Variants in GALNTL6 observed in about 807,000 individuals in gnomAD.
GALNTL6 encodes the protein polypeptide N-acetylgalactosaminyltransferase-like 6.
In GALNTL6, 46 loss-of-function variants were observed where a neutral mutation model predicts 73.7. That is an observed-to-expected ratio of 0.62 (90% CI 0.49 to 0.80). GALNTL6 has a LOEUF of 0.80. Among genes scored for constraint, GALNTL6 ranks in the 30% least tolerant of loss-of-function variants. The pLI, the probability that GALNTL6 is intolerant of heterozygous loss-of-function variation, is 0.00. For missense variants in GALNTL6, 604 were observed against 755.0 expected, an observed-to-expected ratio of 0.80 and a Z score of 2.34; for synonymous variants, 259 against 263.7, an observed-to-expected ratio of 0.98 and a Z score of 0.17.
intron 2 of GALNTL6, among the ~76,000 whole-genome samples, chr4:171,830,305 G>T (rs1216666596): frequency 6.6e-6 from 1 of 152,182 alleles, no homozygotes; most frequent in African/African-American, 2.4e-5. Context: ...AAGCTGCCTA[G>T]TTTGTGGAGA....
At chr4:172,512,742 T>G (rs1448686651) in intron 5 of GALNTL6, among the ~76,000 whole-genome samples, 2 of 152,142 alleles carry the variant, frequency 1.3e-5, no homozygotes, top group African/African-American at 2.4e-5. Flanking sequence ...CCAACAATTG[T>G]TTTGTTTAAG....
intron 2 of GALNTL6, among the ~76,000 whole-genome samples, chr4:171,912,964 G>T (rs1737517560): frequency 6.6e-6 from 1 of 152,114 alleles, no homozygotes; most frequent in African/African-American, 2.4e-5. Context: ...TGGACGCTTA[G>T]GTTATTCACA....
At chr4:171,934,938 C>T (rs1738296785) in intron 2 of GALNTL6, among the ~76,000 whole-genome samples, 1 of 151,930 alleles carries the variant, frequency 6.6e-6, no homozygotes, top group African/African-American at 2.4e-5. Flanking sequence ...TTTTTTTCTC[C>T]CCAAGAATGT....
intron 5 of GALNTL6, among the ~76,000 whole-genome samples, chr4:172,450,695 T>C (rs1333178347): frequency 6.6e-6 from 1 of 152,236 alleles, no homozygotes; most frequent in Non-Finnish European, 1.5e-5. Context: ...GTGCCTGCCA[T>C]ACTGGCTTCC....
chr4:172,614,786 G>T (rs893180177), intron 5 of GALNTL6, among the ~76,000 whole-genome samples: 5 of 152,132 alleles, frequency 3.3e-5, no homozygotes, highest in African/African-American at 1.2e-4. Context: ...AGCCTAATAA[G>T]GTGGGTGTTG....
intron 2 of GALNTL6, among the ~76,000 whole-genome samples, chr4:172,065,044 C>T (rs1731317401): frequency 6.6e-6 from 1 of 152,022 alleles, no homozygotes; most frequent in African/African-American, 2.4e-5. Flanking sequence ...GCAGGTTTGA[C>T]CATTAAATGT....
At chr4:172,450,984 A>G (rs191325762) in intron 5 of GALNTL6, among the ~76,000 whole-genome samples, 11 of 152,320 alleles carry the variant, frequency 7.2e-5, no homozygotes, top group African/African-American at 2.2e-4. Flanking sequence ...TGCCTATGAT[A>G]ATGTGTGCTC....
intron 2 of GALNTL6, among the ~76,000 whole-genome samples, chr4:172,063,414 C>T (rs1731265571): frequency 1.3e-5 from 2 of 152,154 alleles, no homozygotes; most frequent in South Asian, 2.1e-4. Context: ...TAGAATATTA[C>T]AGATTTTTCC....
At chr4:172,580,611 G>A (rs2110971771) in intron 5 of GALNTL6, among the ~76,000 whole-genome samples, 1 of 152,216 alleles carries the variant, frequency 6.6e-6, no homozygotes, top group Admixed American at 6.5e-5. Context: ...GAATTTTCAT[G>A]GAAGAGGACA....
chr4:171,965,061 G>A (rs930087505), intron 2 of GALNTL6, among the ~76,000 whole-genome samples: 8 of 152,148 alleles, frequency 5.3e-5, no homozygotes, highest in Non-Finnish European at 1.5e-5. Context: ...CCTACTGCCT[G>A]GGGAGTCCAA....
At chr4:172,675,945 TAA>T (rs1560873121) in intron 5 of GALNTL6, among the ~76,000 whole-genome samples, 1 of 152,182 alleles carries the variant, frequency 6.6e-6, no homozygotes, top group Non-Finnish European at 1.5e-5. Context: ...GATTCCTTAA[TAA>T]GAGTTAAAGT....
At chr4:172,863,952 T>C (rs1266802404) in intron 7 of GALNTL6, among the ~76,000 whole-genome samples, 1 of 152,178 alleles carries the variant, frequency 6.6e-6, no homozygotes, top group Non-Finnish European at 1.5e-5. Context: ...TTTCCCATGC[T>C]GTTCTCATGA....
At chr4:172,798,471 T>A (rs1008546283) in intron 5 of GALNTL6, among the ~76,000 whole-genome samples, 2 of 152,216 alleles carry the variant, frequency 1.3e-5, no homozygotes, top group African/African-American at 4.8e-5. Flanking sequence ...GGCCACGTGA[T>A]GTGTGTGCAC....
intron 5 of GALNTL6, among the ~76,000 whole-genome samples, chr4:172,561,758 A>G (rs918137346): frequency 1.3e-5 from 2 of 152,202 alleles, no homozygotes; most frequent in East Asian, 1.9e-4. Context: ...CAATACACCA[A>G]TTAAACCACA....
intron 2 of GALNTL6, among the ~76,000 whole-genome samples, chr4:172,004,928 T>G (rs1740790337): frequency 6.6e-6 from 1 of 151,994 alleles, no homozygotes; most frequent in African/African-American, 2.4e-5. Flanking sequence ...ACCTTAGATT[T>G]AACTCATTTC....
At chr4:172,080,297 C>T (rs1014195029) in intron 2 of GALNTL6, among the ~76,000 whole-genome samples, 2 of 152,122 alleles carry the variant, frequency 1.3e-5, no homozygotes, top group African/African-American at 4.8e-5. Flanking sequence ...CCTCCCACCT[C>T]AGCCTCCTGA....
chr4:172,803,430 C>T (rs945097795), intron 5 of GALNTL6, among the ~76,000 whole-genome samples: 18 of 152,176 alleles, frequency 1.2e-4, no homozygotes, highest in Non-Finnish European at 2.5e-4. Flanking sequence ...AAAATAGTCT[C>T]ATCCCGAAAC....
At chr4:172,052,439 A>G in intron 2 of GALNTL6, 1 of 1,534,666 alleles carries the variant, frequency 6.5e-7, no homozygotes, top group South Asian at 1.2e-5. Context: ...CCCATTCACC[A>G]GCCAGATGAG....
At chr4:172,368,655 C>G (rs776568233) in intron 5 of GALNTL6, among the ~76,000 whole-genome samples, 1 of 152,008 alleles carries the variant, frequency 6.6e-6, no homozygotes, top group East Asian at 1.9e-4. Context: ...AGCCGCGGAC[C>G]CTTGCAGTGA....
Sources: gnomAD v4.1 joint callset for allele counts (sites outside exome capture counted in the v4.1 genomes callset) on GRCh38, gnomAD v4.1.1 for gene constraint, MANE v1.5 for transcripts, NCBI Gene and HGNC (gene_info 2026-07-23, HGNC 2026-07-21) for gene names.